PLA2G4C: variants seen among roughly 807,000 people sequenced by gnomAD.
The protein encoded by PLA2G4C is phospholipase A2 group IVC, also known as cytosolic phospholipase A2 gamma.
PLA2G4C carries 64 observed loss-of-function variants against 73.8 expected under a neutral mutation model. The observed-to-expected ratio is 0.87, with a 90% confidence interval of 0.71 to 1.07. The LOEUF (loss-of-function observed/expected upper bound fraction) is 1.07, where lower values mean the gene tolerates loss of function less well. PLA2G4C is among the 50% of genes least tolerant of loss of function. PLA2G4C has a pLI of 0.00. For synonymous variants in PLA2G4C, 254 were observed against 252.1 expected, an observed-to-expected ratio of 1.01 and a Z score of -0.07; for missense variants, 622 against 665.4, an observed-to-expected ratio of 0.93 and a Z score of 0.72.
intron 9 of PLA2G4C, among the ~76,000 whole-genome samples, chr19:48,087,753 G>A (rs1402988859): frequency 6.6e-6 from 1 of 152,118 alleles, no homozygotes; most frequent in Admixed American, 6.5e-5. Flanking sequence ...TGACCAACAC[G>A]GAGAAACCCC....
At chr19:48,074,105 A>G (rs76195994) in intron 12 of PLA2G4C, among the ~76,000 whole-genome samples, 1 of 152,014 alleles carries the variant, frequency 6.6e-6, no homozygotes, top group Non-Finnish European at 1.5e-5. Context: ...CCCCACATGC[A>G]TTAGCTAATT....
intron 13 of PLA2G4C, among the ~76,000 whole-genome samples, chr19:48,062,913 G>C (rs1445700302): frequency 6.6e-6 from 1 of 152,160 alleles, no homozygotes; most frequent in Non-Finnish European, 1.5e-5. Flanking sequence ...TTGGGGCACA[G>C]CTTGGTTTAG....
rs554003529 is a variant in PLA2G4C, at chr19:48,074,708, G to C, written c.1006+59C>G. ...CCCACAGGGGTGGGGAAGAGCAAGA[G>C]GGGGGAGAAGGTTGGTGGCACTTAC... On this transcript the variant is annotated intron_variant, in intron 12 of 16. Coordinates refer to ENST00000599921, the MANE Select transcript of PLA2G4C (RefSeq NM_003706.3). The C allele has an allele frequency of 3.0e-4, 344 of 1,149,448 alleles. 7 individuals carry two copies. In the East Asian group the frequency reaches 7.9e-3, roughly 26 times the overall value. 71.2% of individuals were successfully genotyped at this position (1,149,448 alleles called of 1,614,324 possible). A position where few individuals can be genotyped will look rare whatever the true frequency, so the allele number is the denominator to read the frequency against.
At chr19:48,078,693 A>G (rs1423342589) in intron 10 of PLA2G4C, among the ~76,000 whole-genome samples, 1 of 152,208 alleles carries the variant, frequency 6.6e-6, no homozygotes. Context: ...AAGGAAAACT[A>G]CAAAACACTG....
intron 10 of PLA2G4C, among the ~76,000 whole-genome samples, chr19:48,080,423 A>C (rs2030470012): frequency 6.6e-6 from 1 of 152,194 alleles, no homozygotes; most frequent in Non-Finnish European, 1.5e-5. Flanking sequence ...CAGTATGGAG[A>C]GTCCTCAGAG....
At chr19:48,052,885 C>G (rs1967778361) in intron 16 of PLA2G4C, 112 bp downstream of exon 16, 1 of 1,148,316 alleles carries the variant, frequency 8.7e-7, no homozygotes, top group Non-Finnish European at 1.2e-6. Flanking sequence ...AGGGGAGACA[C>G]TGCCTATCTT....
chr19:48,066,692 G>T (rs889196799), intron 13 of PLA2G4C, among the ~76,000 whole-genome samples: 11 of 152,036 alleles, frequency 7.2e-5, no homozygotes, highest in Middle Eastern at 3.4e-3. Flanking sequence ...GCCAGGTGTG[G>T]GGTGGCTCAC....
At chr19:48,067,077 A>G (rs1345518466) in intron 13 of PLA2G4C, among the ~76,000 whole-genome samples, 1 of 152,112 alleles carries the variant, frequency 6.6e-6, no homozygotes, top group Non-Finnish European at 1.5e-5. Flanking sequence ...GGAGACTATT[A>G]AATGGCCTCA....
At chr19:48,107,671 AGT>A (rs1414189769) in intron 1 of PLA2G4C, among the ~76,000 whole-genome samples, 1 of 152,028 alleles carries the variant, frequency 6.6e-6, no homozygotes, top group Non-Finnish European at 1.5e-5. Flanking sequence ...GGAGGGCCTG[AGT>A]GATGTCAGGC....
intron 1 of PLA2G4C, among the ~76,000 whole-genome samples, chr19:48,106,901 T>G (rs559988314): frequency 6.6e-5 from 10 of 152,158 alleles, no homozygotes; most frequent in Admixed American, 6.5e-4. Context: ...CTGGAGTGCA[T>G]TGGCATGATC....
rs375640219 is a variant in PLA2G4C at position 48,067,817 on chromosome 19, G to A, written c.1076C>T (p.Thr359Ile). 3.0e-5 allele frequency: 49 copies of A among 1,612,136 alleles called. No homozygotes were observed. Among genetic ancestry groups the A allele is most frequent in the Admixed American group, 1.5e-4 (9 of 59,996 alleles). ...GICASKWEWGTTHNFLYKHGG... is the reference protein window; with the variant it reads ...GICASKWEWGITHNFLYKHGG... Reference sequence around the variant, plus strand: ...GTGTTTGTACAGGAAGTTGTGAGTGGTCCCCCATTCCCACTTTGAAGCGCA... The same window carrying A: ...GTGTTTGTACAGGAAGTTGTGAGTGATCCCCCATTCCCACTTTGAAGCGCA... Residue 359 changes from threonine to isoleucine, a missense_variant, in exon 13 of 17, where the codon ACC becomes ATC. Transcript: ENST00000599921.
At chr19:48,093,503 T>C (rs2031415724) in intron 7 of PLA2G4C, among the ~76,000 whole-genome samples, 1 of 152,140 alleles carries the variant, frequency 6.6e-6, no homozygotes, top group South Asian at 2.1e-4. Flanking sequence ...CCATATAAAC[T>C]GAATCGGTCA....
chr19:48,079,847 G>T (rs1216298239), intron 10 of PLA2G4C, among the ~76,000 whole-genome samples: 7 of 152,216 alleles, frequency 4.6e-5, no homozygotes, highest in African/African-American at 1.7e-4. Flanking sequence ...TGTAATCCCA[G>T]CTACTCAGGA....
chr19:48,109,835 G>A (rs2032402218), intron 1 of PLA2G4C, among the ~76,000 whole-genome samples: 1 of 151,644 alleles, frequency 6.6e-6, no homozygotes, highest in Non-Finnish European at 1.5e-5. Context: ...ATTTTTAGTT[G>A]AGACGGGGTT....
chr19:48,092,954 C>G (rs1257277388), intron 7 of PLA2G4C, among the ~76,000 whole-genome samples: 1 of 152,042 alleles, frequency 6.6e-6, no homozygotes, highest in Non-Finnish European at 1.5e-5. Flanking sequence ...ATAAAAAGCA[C>G]CCTGGTGTGT....
Position 48,095,531 on chromosome 19 carries a change from G to A in PLA2G4C, c.642C>T (p.Phe214=), listed in dbSNP as rs147338051. 29 of 1,613,860 alleles carry A rather than the reference G, an allele frequency of 1.8e-5. No individual in the cohort carries two copies. Among genetic ancestry groups the A allele is most frequent in the East Asian group, 8.9e-5 (4 of 44,882 alleles). The change falls in exon 7 of 17, where the codon TTC becomes TTT. Residue 214 remains phenylalanine (F), a synonymous_variant. Transcript: ENST00000599921. The part of the protein sequence containing the change: ...ALGAFVSITH[F]GSKFKKGRLV... The stretch of plus-strand genomic sequence containing the variant: ...GTCTTCCCTTCTTGAATTTGCTTCC[G>A]AAGTGGGTTATGGAAACAAAGGCCC...
At chr19:48,062,486 T>C (rs1489731401) in intron 13 of PLA2G4C, among the ~76,000 whole-genome samples, 1 of 152,034 alleles carries the variant, frequency 6.6e-6, no homozygotes, top group Non-Finnish European at 1.5e-5. Flanking sequence ...GGCGGGTGCC[T>C]GTAATCACAG....
rs749369569 is a variant in PLA2G4C, at chr19:48,072,141, A to G, written c.1006+2626T>C. On this transcript the variant is annotated intron_variant, in intron 12 of 16. Coordinates refer to ENST00000599921, the MANE Select transcript of PLA2G4C (RefSeq NM_003706.3). This position sits in a 1 kb window ranked among gnomAD's most constrained non-coding sequence, Gnocchi z 4.4. ...AGCTTGGGTGACAGAGCGAGACTCC[A>G]TCTCAAACAAACAAACAAAAACAAA... Among the ~76,000 whole-genome samples, 1 of 152,046 alleles carries G rather than the reference A, an allele frequency of 6.6e-6. No individual in the cohort carries two copies. Among genetic ancestry groups the G allele is most frequent in the Non-Finnish European group, 1.5e-5 (1 of 67,990 alleles).
intron 13 of PLA2G4C, among the ~76,000 whole-genome samples, chr19:48,063,450 G>C (rs1320431075): frequency 6.6e-6 from 1 of 152,116 alleles, no homozygotes; most frequent in Non-Finnish European, 1.5e-5. Flanking sequence ...GTTTGCCCTG[G>C]GCAGTTCCCA....
Sources: allele counts gnomAD v4.1 joint callset (sites outside exome capture counted in the v4.1 genomes callset), GRCh38; gene constraint gnomAD v4.1.1; non-coding constraint Gnocchi (gnomAD v3.1); transcripts MANE v1.5; gene names NCBI Gene and HGNC (gene_info 2026-07-23, HGNC 2026-07-21).